HMCN2: variants seen among roughly 807,000 people sequenced by gnomAD.
HMCN2 encodes hemicentin-2.
Under a neutral mutation model 377.5 loss-of-function variants are expected in HMCN2, and 325 were observed. The observed-to-expected ratio is 0.86, with a 90% CI of 0.79 to 0.94. The LOEUF is 0.94. Among genes scored for constraint, HMCN2 ranks in the 40% least tolerant of loss-of-function variants. The pLI is 0.00. For missense variants in HMCN2, 4,543 were observed against 4,725.3 expected (o/e 0.96, Z 1.13); for synonymous variants, 2,007 against 2,046.8 (o/e 0.98, Z 0.53).
At position 130,360,751 on chromosome 9, in the gene HMCN2, ACCATCCAT is replaced by A. The variant is rs199552416; in HGVS notation, c.5950+178_5950+185del. 186 of 281,558 alleles carry A rather than the reference ACCATCCAT, an allele frequency of 6.6e-4. No homozygotes were observed. The highest frequency in any genetic ancestry group is 4.3e-3 in the Middle Eastern group (3 of 692). 17.4% of individuals were successfully genotyped at this position (281,558 alleles called of 1,614,324 possible). On this transcript the variant is annotated intron_variant, in intron 38 of 97. Transcript: ENST00000683500. The surrounding 1 kb of genome is among the most constrained non-coding windows in gnomAD (Gnocchi z 4.7). Reference sequence around the variant, plus strand: ...ACCCCATCCATCCATCATCCATCCAACCATCCATCCATCCATCCATCCATCCATCCATC... The same window carrying A: ...ACCCCATCCATCCATCATCCATCCAACCATCCATCCATCCATCCATCCATC...
chr9:130,428,488 AG>A lies in HMCN2; in HGVS notation c.14197+1del. On this transcript the variant is annotated frameshift_variant and splice_region_variant, in exon 93 of 98. Transcript: ENST00000683500. LOFTEE classifies it high-confidence loss of function. The surrounding 1 kb of genome is among the most constrained non-coding windows in gnomAD (Gnocchi z 5.0). ...GGGTGGCTGATGGGGCCGGCTGTGA[AG>A]GTGATGGGGGCACAGCATGCGGCCT... ...FRVADGAGCE[D>X]VDECLEGLDD... 6.5e-7 allele frequency: 1 copy of A among 1,539,890 alleles called. No individual in the cohort carries two copies. Among genetic ancestry groups the A allele is most frequent in the Non-Finnish European group, 8.7e-7 (1 of 1,146,848 alleles).
In HMCN2 at chr9:130,393,703, G is replaced by C. The variant is rs1018243447; in HGVS notation, c.10235-39G>C. 2.5e-6 allele frequency: 3 copies of C among 1,207,222 alleles called. No individual in the cohort carries two copies. Among genetic ancestry groups the C allele is most frequent in the Admixed American group, 3.2e-5 (1 of 31,100 alleles). 74.8% of individuals were successfully genotyped at this position (1,207,222 alleles called of 1,614,324 possible). ...CTGAGTACTGGAGATGAGAGTCCTG[G>C]AATAAAATGGTTCCTGCCCACCTTT... On this transcript the variant is annotated intron_variant, in intron 67 of 97. Coordinates refer to ENST00000683500, the MANE Select transcript of HMCN2 (RefSeq NM_001291815.2). This position sits in a 1 kb window ranked among gnomAD's most constrained non-coding sequence, Gnocchi z 5.2.
intron 1 of HMCN2, among the ~76,000 whole-genome samples, chr9:130,282,271 C>T (rs1835162398): frequency 6.6e-6 from 1 of 152,184 alleles, no homozygotes; most frequent in Non-Finnish European, 1.5e-5. Flanking sequence ...AGCTCTGTGC[C>T]AGGGGTTTAG....
rs1416694822 is a variant in HMCN2, at chr9:130,334,230, A to G, written c.3360-3664A>G. The stretch of plus-strand genomic sequence containing the variant: ...GTCCAGTGCCCCCATGCAGGGATGC[A>G]GGGGAGTTGGGGGTGGTCTGCGTAG... On this transcript the variant is annotated intron_variant, in intron 22 of 97. Transcript: ENST00000683500. Among the ~76,000 whole-genome samples, 5 of 152,240 alleles carry G rather than the reference A, an allele frequency of 3.3e-5. No homozygotes were observed. The East Asian group carries it at 9.7e-4, about 29-fold the overall frequency.
At chr9:130,411,630 A>C (rs1306404060) in intron 85 of HMCN2, among the ~76,000 whole-genome samples, 2 of 151,656 alleles carry the variant, frequency 1.3e-5, no homozygotes, top group Non-Finnish European at 2.9e-5. Flanking sequence ...AACAAAAGGA[A>C]TGCAATGCAA....
In HMCN2 at chr9:130,369,699, A is replaced by G. The variant is rs1840908664; in HGVS notation, c.6917A>G (p.Gln2306Arg). 1 of 985,936 alleles carries G rather than the reference A, an allele frequency of 1.0e-6. No individual in the cohort carries two copies. Among genetic ancestry groups the G allele is most frequent in the African/African-American group, 1.7e-5 (1 of 57,248 alleles). 61.1% of individuals were successfully genotyped at this position (985,936 alleles called of 1,614,324 possible). A position where few individuals can be genotyped will look rare whatever the true frequency, so the allele number is the denominator to read the frequency against. ...PPTVTWERDG[Q>R]PVGAELGLQL... Reference sequence around the variant, plus strand: ...ACAGTGACATGGGAGCGGGACGGCCAGCCCGTGGGGGCTGAACTGGGCCTG... The same window carrying G: ...ACAGTGACATGGGAGCGGGACGGCCGGCCCGTGGGGGCTGAACTGGGCCTG... Residue 2306 changes from glutamine to arginine, a missense_variant, in exon 45 of 98, where the codon CAG becomes CGG. Gln to Arg is a conservative substitution (Grantham distance 43). This residue lies in a region of HMCN2 where 1,032 missense variants were observed against 1,285.1 expected (regional missense o/e 0.80). Transcript: ENST00000683500. This position sits in a 1 kb window ranked among gnomAD's most constrained non-coding sequence, Gnocchi z 4.5.
At chr9:130,429,509 G>A in intron 93 of HMCN2, 48 bp from the exon 94 acceptor site, 1 of 1,548,174 alleles carries the variant, frequency 6.5e-7, no homozygotes, top group Non-Finnish European at 8.7e-7. Flanking sequence ...TTGGGGGAGG[G>A]GCCCTGGGCT....
intron 66 of HMCN2, among the ~76,000 whole-genome samples, chr9:130,392,470 T>C (rs1842368344): frequency 6.6e-6 from 1 of 151,974 alleles, no homozygotes; most frequent in Admixed American, 6.5e-5. Context: ...CGAAAGGGGC[T>C]GAGAGAAAGT....
At position 130,353,168 on chromosome 9, in the gene HMCN2, GGGGGC is replaced by G; in HGVS notation, c.4828_4832del (p.Gly1610ArgfsTer113). On this transcript the variant is annotated frameshift_variant, in exon 31 of 98. Transcript: ENST00000683500. LOFTEE classifies it high-confidence loss of function. Reference sequence around the variant, plus strand: ...ACACCTGCAAGGCCAGCAATGCTGTGGGGGCCGCAGAGAAGGCCACCAGGCTGGAT... The same window carrying G: ...ACACCTGCAAGGCCAGCAATGCTGTGCGCAGAGAAGGCCACCAGGCTGGAT... 3.0e-5 allele frequency: 39 copies of G among 1,304,076 alleles called. No individual in the cohort carries two copies. Among genetic ancestry groups the G allele is most frequent in the Non-Finnish European group, 3.8e-5 (38 of 988,930 alleles). 80.8% of individuals were successfully genotyped at this position (1,304,076 alleles called of 1,614,324 possible).
At position 130,369,974 on chromosome 9, in the gene HMCN2, C is replaced by T. The variant is rs183655572; in HGVS notation, c.7069+123C>T. The T allele has an allele frequency of 3.8e-6, 2 of 523,820 alleles. No homozygotes were observed. The highest frequency in any genetic ancestry group is 3.0e-4 in the East Asian group (2 of 6,768). The allele number at this position is 523,820 out of a possible 1,614,324, so 32.4% of individuals were successfully genotyped here. A position where few individuals can be genotyped will look rare whatever the true frequency, so the allele number is the denominator to read the frequency against. ...GGGTCACACCTGTTCTTTCTGGAGTCAGGGCTCTAATGAGAGCTGCTGGTG... is the reference window on the plus strand; with the variant it reads ...GGGTCACACCTGTTCTTTCTGGAGTTAGGGCTCTAATGAGAGCTGCTGGTG... On this transcript the variant is annotated intron_variant, in intron 45 of 97. Transcript: ENST00000683500. The surrounding 1 kb of genome is among the most constrained non-coding windows in gnomAD (Gnocchi z 4.5).
At chr9:130,401,728 T>A (rs1842861862) in intron 77 of HMCN2, among the ~76,000 whole-genome samples, 2 of 152,138 alleles carry the variant, frequency 1.3e-5, no homozygotes, top group Non-Finnish European at 2.9e-5. Context: ...AACACTAAAG[T>A]CTAGGAACCA....
intron 36 of HMCN2, among the ~76,000 whole-genome samples, chr9:130,358,774 C>T (rs550886908): frequency 2.6e-5 from 4 of 152,118 alleles, no homozygotes; most frequent in South Asian, 2.1e-4. Flanking sequence ...GCCGGGTTCA[C>T]GCCATTCTCC....
At chr9:130,355,389 G>A (rs771591137) in intron 32 of HMCN2, among the ~76,000 whole-genome samples, 4 of 152,218 alleles carry the variant, frequency 2.6e-5, no homozygotes, top group Non-Finnish European at 5.9e-5. Context: ...CCAGCAGGGC[G>A]GGTGGGGCCT....
intron 8 of HMCN2, among the ~76,000 whole-genome samples, chr9:130,299,559 G>A (rs1457835038): frequency 2.0e-5 from 3 of 151,170 alleles, no homozygotes; most frequent in Non-Finnish European, 4.4e-5. Context: ...ATTCATTCAT[G>A]CACTGACCCA....
chr9:130,268,588 C>G (rs10819629), intron 1 of HMCN2, among the ~76,000 whole-genome samples: 67,480 of 148,608 alleles, frequency 0.45, 18,961 homozygotes, highest in East Asian at 0.91. Context: ...AAGGAAAGAC[C>G]CCCCCCTGAG....
Position 130,391,033 on chromosome 9 carries a change from C to G in HMCN2, c.9580C>G (p.Leu3194Val). 1 of 987,814 alleles carries G rather than the reference C, an allele frequency of 1.0e-6. No individual in the cohort carries two copies. The highest frequency in any genetic ancestry group is 1.7e-5 in the African/African-American group (1 of 57,408). The allele number at this position is 987,814 out of a possible 1,614,324, so 61.2% of individuals were successfully genotyped here. A position where few individuals can be genotyped will look rare whatever the true frequency, so the allele number is the denominator to read the frequency against. ...GGGGGGCCGCCTCCAGCTGAGCCGC[C>G]TGCAACCGGCCCAGGCGGGCACCTA... ...SRGGRLQLSR[L>V]QPAQAGTYTC... is the part of the protein sequence containing the mutation. Residue 3194 changes from leucine (L) to valine (V), a missense_variant, in exon 63 of 98, where the codon CTG (leucine) becomes GTG (valine). Transcript: ENST00000683500.
intron 19 of HMCN2, among the ~76,000 whole-genome samples, chr9:130,324,179 C>A (rs950430019): frequency 6.6e-6 from 1 of 152,196 alleles, no homozygotes; most frequent in Non-Finnish European, 1.5e-5. Context: ...TCCCCATTCC[C>A]GTCTCCCCTC....
At position 130,369,554 on chromosome 9, in the gene HMCN2, C is replaced by T; in HGVS notation, c.6788-16C>T. The stretch of plus-strand genomic sequence containing the variant: ...CCAGCAGCTTTCTCTGATGGGCTTT[C>T]TCCCCACCCCAACAGTTCCCCCTCA... On this transcript the variant is annotated splice_polypyrimidine_tract_variant and intron_variant, in intron 44 of 97. Transcript: ENST00000683500. The surrounding 1 kb of genome is among the most constrained non-coding windows in gnomAD (Gnocchi z 4.5). The T allele has an allele frequency of 3.0e-6, 3 of 985,618 alleles. No homozygotes were observed. Among genetic ancestry groups the T allele is most frequent in the Middle Eastern group, 1.0e-3 (2 of 1,916 alleles). 61.1% of individuals were successfully genotyped at this position (985,618 alleles called of 1,614,324 possible). A position where few individuals can be genotyped will look rare whatever the true frequency, so the allele number is the denominator to read the frequency against.
chr9:130,312,501 T>G (rs1397062228), intron 15 of HMCN2, among the ~76,000 whole-genome samples: 3 of 22,102 alleles, frequency 1.4e-4, no homozygotes, highest in African/African-American at 2.2e-4. Context: ...CTCTCTTTCT[T>G]TCTGTCCCTC....
Sources: allele counts gnomAD v4.1 joint callset (sites outside exome capture counted in the v4.1 genomes callset), GRCh38; gene constraint gnomAD v4.1.1; regional missense constraint gnomAD v4.1.1; non-coding constraint Gnocchi (gnomAD v3.1); transcripts MANE v1.5; gene names NCBI Gene and HGNC (gene_info 2026-07-23, HGNC 2026-07-21).